The following WDR59 variants were observed in gnomAD, a reference collection of about 807,000 sequenced individuals.
The protein encoded by WDR59 is WD repeat domain 59.
A neutral mutation model predicts 131.2 loss-of-function variants in WDR59; 100 were observed. The observed-to-expected ratio is 0.76, with a 90% CI of 0.65 to 0.90. The LOEUF (loss-of-function observed/expected upper bound fraction) is 0.90. WDR59 is among the 40% of genes least tolerant of loss of function. The pLI is 0.00. For synonymous variants in WDR59, 601 were observed against 466.2 expected, an observed-to-expected ratio of 1.29 and a Z score of -3.72; for missense variants, 1,203 against 1,262.2, an observed-to-expected ratio of 0.95 and a Z score of 0.71.
chr16:74,929,121 C>G (rs1236332026), intron 8 of WDR59, among the ~76,000 whole-genome samples: 1 of 152,172 alleles, frequency 6.6e-6, no homozygotes, highest in African/African-American at 2.4e-5. Context: ...GTCGCCCGGG[C>G]TGGAGTGCAG....
intron 2 of WDR59, among the ~76,000 whole-genome samples, chr16:74,965,514 G>A (rs150219977): frequency 6.6e-6 from 1 of 152,274 alleles, no homozygotes; most frequent in Non-Finnish European, 1.5e-5. Flanking sequence ...GAGTCTTGCA[G>A]TAAACAGAAA....
intron 13 of WDR59, among the ~76,000 whole-genome samples, chr16:74,914,236 T>C (rs1290076445): frequency 2.0e-5 from 3 of 152,072 alleles, no homozygotes; most frequent in African/African-American, 7.2e-5. Flanking sequence ...AGATGAACTT[T>C]ATACTGTGTG....
chr16:74,927,525 T>C (rs1025621031), intron 8 of WDR59, among the ~76,000 whole-genome samples: 3 of 146,198 alleles, frequency 2.1e-5, no homozygotes, highest in East Asian at 2.0e-4. Flanking sequence ...GAGGTGGAGG[T>C]TGCAGTGAGC....
intron 1 of WDR59, among the ~76,000 whole-genome samples, chr16:74,974,427 C>T (rs769034162): frequency 5.3e-5 from 8 of 152,030 alleles, no homozygotes; most frequent in Non-Finnish European, 7.4e-5. Context: ...TAACATATAC[C>T]GACCACTACG....
At chr16:74,887,583 TAAG>T in intron 23 of WDR59, 97 bp downstream of exon 23, 1 of 1,143,136 alleles carries the variant, frequency 8.7e-7, no homozygotes, top group Non-Finnish European at 1.3e-6. Context: ...AAATAAGAAA[TAAG>T]AAAAAATATG....
Position 74,889,660 on chromosome 16 carries a change from T to C in WDR59, c.2195+43A>G, listed in dbSNP as rs771319014. 6 of 1,530,800 alleles carry C rather than the reference T, an allele frequency of 3.9e-6. No homozygotes were observed. The Admixed American group carries it at 5.2e-5, about 13-fold the overall frequency. 94.8% of individuals were successfully genotyped at this position (1,530,800 alleles called of 1,614,324 possible). A position where few individuals can be genotyped will look rare whatever the true frequency, so the allele number is the denominator to read the frequency against. On this transcript the variant is annotated intron_variant, in intron 21 of 25. Transcript: ENST00000262144. ...ATTTCAAGTGTTTACAGACCAAAAA[T>C]GGACATCACTCATTTTTCTCATTTT... is the stretch of plus-strand genomic sequence containing the variant.
intron 23 of WDR59, 175 bp from the exon 24 acceptor site, chr16:74,886,571 C>T (rs557513638): frequency 1.0e-5 from 8 of 775,114 alleles, no homozygotes; most frequent in South Asian, 7.1e-5. Flanking sequence ...TGCCTTTTTG[C>T]GCAGGTATTT....
At chr16:74,887,357 C>A (rs559613732) in intron 23 of WDR59, among the ~76,000 whole-genome samples, 1 of 151,860 alleles carries the variant, frequency 6.6e-6, no homozygotes, top group Non-Finnish European at 1.5e-5. Flanking sequence ...TCATGGGAAG[C>A]GGTAGGTGGC....
In WDR59 at chr16:74,970,419, C is replaced by G. The variant is rs931746266; in HGVS notation, c.55-4597G>C. On this transcript the variant is annotated intron_variant, in intron 1 of 25. Coordinates refer to ENST00000262144, the MANE Select transcript of WDR59 (RefSeq NM_030581.4). ...GAAGCTCTCCCAGAATGGCATGAAC[C>G]CAGGAGGCGGAGCTTGCAGTGAGCC... Among the ~76,000 whole-genome samples the G allele has an allele frequency of 3.4e-5, 5 of 146,600 alleles. No individual in the cohort carries two copies. In the East Asian group the frequency reaches 8.0e-4, roughly 23 times the overall value.
At chr16:74,909,475 A>C in intron 16 of WDR59, 26 bp downstream of exon 16, 1 of 1,517,680 alleles carries the variant, frequency 6.6e-7, no homozygotes, top group Non-Finnish European at 8.8e-7. Flanking sequence ...CTCGAAATCT[A>C]GAATCAAAGA....
chr16:74,874,644 C>T (rs1168813495), intron 25 of WDR59, among the ~76,000 whole-genome samples, 200 bp from the exon 26 acceptor site: 1 of 152,188 alleles, frequency 6.6e-6, no homozygotes, highest in South Asian at 2.1e-4. Flanking sequence ...CACCCAGGCT[C>T]GAGTGCAATG....
intron 2 of WDR59, chr16:74,962,780 T>A (rs966547272): frequency 1.3e-5 from 2 of 151,914 alleles, no homozygotes; most frequent in African/African-American, 4.8e-5. Flanking sequence ...TTTTCTTTTT[T>A]TTTTTCTCTC....
chr16:74,888,331 A>G lies in WDR59; in HGVS notation c.2196-12T>C. ...AATAGTGAGCCAACCTGAGGAAAAG[A>G]TAAGAGGAAAGAAAACAAGTCAGGA... is the stretch of plus-strand genomic sequence containing the variant. On this transcript the variant is annotated splice_polypyrimidine_tract_variant and intron_variant, in intron 21 of 25. Coordinates refer to ENST00000262144, the MANE Select transcript of WDR59 (RefSeq NM_030581.4). The G allele has an allele frequency of 6.2e-7, 1 of 1,609,106 alleles. No individual in the cohort carries two copies. The highest frequency in any genetic ancestry group is 1.3e-5 in the African/African-American group (1 of 74,802).
Position 74,874,073 on chromosome 16 carries a change from G to T in WDR59, c.*136C>A. ...CAGAGGCCCACCAAGAGCTGATGCTGCGCAGTCCTTGGGGGATCATCCTCC... is the reference window on the plus strand; with the variant it reads ...CAGAGGCCCACCAAGAGCTGATGCTTCGCAGTCCTTGGGGGATCATCCTCC... On this transcript the variant is annotated 3_prime_UTR_variant, in exon 26 of 26. Transcript: ENST00000262144. The T allele has an allele frequency of 1.4e-6, 1 of 698,368 alleles. No homozygotes were observed. The highest frequency in any genetic ancestry group is 2.4e-6 in the Non-Finnish European group (1 of 421,304). 43.3% of individuals were successfully genotyped at this position (698,368 alleles called of 1,614,324 possible).
At chr16:74,904,280 G>A in intron 17 of WDR59, 180 bp from the exon 18 acceptor site, 1 of 654,796 alleles carries the variant, frequency 1.5e-6, no homozygotes, top group Non-Finnish European at 2.5e-6. Context: ...AGCATAGAAT[G>A]CTTCTATGAT....
In WDR59 at chr16:74,888,210, G is replaced by GA; in HGVS notation, c.2304dup (p.Pro769SerfsTer2). ...ACCACAAGATTAGAAGAACGGTTAGGAAAAGGCCCAAAGGGGTTTGGTAGC... is the reference window on the plus strand; with the variant it reads ...ACCACAAGATTAGAAGAACGGTTAGGAAAAAGGCCCAAAGGGGTTTGGTAGC... On this transcript the variant is annotated frameshift_variant, in exon 22 of 26. Coordinates refer to ENST00000262144, the MANE Select transcript of WDR59 (RefSeq NM_030581.4). LOFTEE classifies it high-confidence loss of function. The GA allele has an allele frequency of 6.2e-7, 1 of 1,613,816 alleles. No homozygotes were observed. Among genetic ancestry groups the GA allele is most frequent in the Non-Finnish European group, 8.5e-7 (1 of 1,179,938 alleles).
intron 10 of WDR59, among the ~76,000 whole-genome samples, chr16:74,921,058 C>G (rs1257237533): frequency 6.6e-6 from 1 of 152,066 alleles, no homozygotes; most frequent in East Asian, 1.9e-4. Context: ...TTTTCAAATA[C>G]ATGATATATT....
intron 18 of WDR59, 67 bp downstream of exon 18, chr16:74,903,876 CCAGG>C: frequency 6.6e-7 from 1 of 1,522,772 alleles, no homozygotes; most frequent in South Asian, 1.2e-5. Flanking sequence ...AGCTGCTGCG[CCAGG>C]CAGGAGATGA....
intron 17 of WDR59, among the ~76,000 whole-genome samples, chr16:74,904,512 G>C (rs1395149790): frequency 2.0e-5 from 3 of 152,134 alleles, no homozygotes; most frequent in Admixed American, 1.3e-4. Flanking sequence ...ATGCTGATGA[G>C]AGAAATTAAA....
Sources: gnomAD v4.1 joint callset for allele counts (sites outside exome capture counted in the v4.1 genomes callset) on GRCh38, gnomAD v4.1.1 for gene constraint, MANE v1.5 for transcripts, NCBI Gene and HGNC (gene_info 2026-07-23, HGNC 2026-07-21) for gene names.